LHFPL1: variants seen among roughly 807,000 people sequenced by gnomAD.
The protein encoded by LHFPL1 is LHFPL tetraspan subfamily member 1, also known as LHFPL tetraspan subfamily member 1 protein.
In LHFPL1, 4 loss-of-function variants were observed where a neutral mutation model predicts 12.1. The ratio of observed to expected loss-of-function variants is 0.33; its 90% CI spans 0.16 to 0.76. LHFPL1 has a LOEUF of 0.76. LHFPL1 is among the 30% of genes least tolerant of loss of function. The pLI is 0.61. For synonymous variants in LHFPL1, 52 were observed against 61.9 expected (o/e 0.84, Z 0.75); for missense variants, 141 against 174.1 (o/e 0.81, Z 1.07).
chrX:112,635,951 T>C (rs1460377706), intron 3 of LHFPL1, among the ~76,000 whole-genome samples: 1 of 111,300 alleles, frequency 9.0e-6, no homozygotes, highest in Non-Finnish European at 1.9e-5. Flanking sequence ...TGTGAAACAA[T>C]GGAAAGTTTC....
chrX:112,647,026 G>T (rs1292665052), intron 3 of LHFPL1, among the ~76,000 whole-genome samples: 1 of 111,657 alleles, frequency 9.0e-6, no homozygotes, highest in Non-Finnish European at 1.9e-5. Flanking sequence ...TCATAAAAAT[G>T]GCATATTACT....
At chrX:112,661,771 A>G (rs1457522669) in intron 2 of LHFPL1, 1 of 112,453 alleles carries the variant, frequency 8.9e-6, no homozygotes, top group African/African-American at 3.2e-5. Context: ...AGTCTGTTTA[A>G]AAATGGAGGG....
chrX:112,646,422 C>T (rs895179093), intron 3 of LHFPL1, among the ~76,000 whole-genome samples: 2 of 108,937 alleles, frequency 1.8e-5, no homozygotes, highest in Non-Finnish European at 3.8e-5. Flanking sequence ...GCTGTATCTT[C>T]CCCAAACCCC....
chrX:112,674,964 A>C (rs1374737667), intron 1 of LHFPL1, among the ~76,000 whole-genome samples: 2 of 111,784 alleles, frequency 1.8e-5, no homozygotes, highest in Non-Finnish European at 3.8e-5. Flanking sequence ...AGAAGTCATT[A>C]TTGCAGCGAC....
chrX:112,635,439 G>C (rs185346590), intron 3 of LHFPL1, among the ~76,000 whole-genome samples: 1 of 112,191 alleles, frequency 8.9e-6, no homozygotes, highest in African/African-American at 3.2e-5. Flanking sequence ...ACCATGCTAG[G>C]AGAATGAAAC....
chrX:112,656,864 A>G (rs1471840187), intron 3 of LHFPL1, among the ~76,000 whole-genome samples: 1 of 112,490 alleles, frequency 8.9e-6, no homozygotes, highest in African/African-American at 3.2e-5. Context: ...ATAATGTTAC[A>G]GTTCAGCAAA....
intron 3 of LHFPL1, among the ~76,000 whole-genome samples, chrX:112,644,054 C>T (rs778600109): frequency 2.7e-5 from 3 of 112,196 alleles, no homozygotes; most frequent in South Asian, 3.8e-4. Context: ...GCTGGATACT[C>T]CTCTCTGTGT....
chrX:112,677,441 C>T (rs1931682535), intron 1 of LHFPL1, among the ~76,000 whole-genome samples: 1 of 111,005 alleles, frequency 9.0e-6, no homozygotes, highest in Non-Finnish European at 1.9e-5. Flanking sequence ...CTCACGCCCC[C>T]AGACAGTGTG....
At chrX:112,669,958 T>C (rs1163865567) in intron 2 of LHFPL1, among the ~76,000 whole-genome samples, 1 of 111,730 alleles carries the variant, frequency 9.0e-6, no homozygotes, top group Non-Finnish European at 1.9e-5. Flanking sequence ...AGATCTGGGC[T>C]ATATCACCAG....
chrX:112,637,529 G>A (rs1325120351), intron 3 of LHFPL1, among the ~76,000 whole-genome samples: 1 of 111,968 alleles, frequency 8.9e-6, no homozygotes, highest in African/African-American at 3.3e-5. Flanking sequence ...CCCCATTCAG[G>A]GAGCATGTGC....
At chrX:112,643,236 G>T (rs912576849) in intron 3 of LHFPL1, among the ~76,000 whole-genome samples, 1 of 108,289 alleles carries the variant, frequency 9.2e-6, no homozygotes, top group Non-Finnish European at 1.9e-5. Flanking sequence ...AAAATTAGCC[G>T]GGCGTGGTGG....
intron 3 of LHFPL1, among the ~76,000 whole-genome samples, chrX:112,638,704 AT>A (rs775411480): frequency 1.8e-5 from 2 of 111,617 alleles, no homozygotes; most frequent in African/African-American, 6.5e-5. Flanking sequence ...TGAGGGTATT[AT>A]TTTTTTCTGA....
chrX:112,659,447 G>T (rs1931109933), intron 3 of LHFPL1, among the ~76,000 whole-genome samples: 1 of 109,857 alleles, frequency 9.1e-6, no homozygotes, highest in African/African-American at 3.3e-5. Flanking sequence ...GTGACAGAGG[G>T]CGGCTCCATC....
At chrX:112,673,492 C>T (rs1231036243) in intron 1 of LHFPL1, among the ~76,000 whole-genome samples, 1 of 111,753 alleles carries the variant, frequency 8.9e-6, no homozygotes, top group Non-Finnish European at 1.9e-5. Context: ...AAAGTGCAAG[C>T]AGCCCTCCAT....
At chrX:112,662,916 C>T (rs1010872487) in intron 2 of LHFPL1, among the ~76,000 whole-genome samples, 1 of 112,058 alleles carries the variant, frequency 8.9e-6, no homozygotes, top group African/African-American at 3.2e-5. Flanking sequence ...ACTGAGTTTT[C>T]CCACACAGAC....
chrX:112,660,781 A>G, intron 2 of LHFPL1, 56 bp from the exon 3 acceptor site: 1 of 854,079 alleles, frequency 1.2e-6, no homozygotes, highest in Non-Finnish European at 1.7e-6. Flanking sequence ...TGTCACCCCA[A>G]CATTCCCTTT....
At chrX:112,644,438 A>G (rs1183509279) in intron 3 of LHFPL1, among the ~76,000 whole-genome samples, 1 of 107,916 alleles carries the variant, frequency 9.3e-6, no homozygotes, top group Non-Finnish European at 1.9e-5. Flanking sequence ...GCAAATTAGC[A>G]TATATTTCTC....
chrX:112,640,839 G>A (rs1441230918), intron 3 of LHFPL1, among the ~76,000 whole-genome samples: 1 of 110,354 alleles, frequency 9.1e-6, no homozygotes, highest in Admixed American at 9.7e-5. Flanking sequence ...GTGTGTGTGT[G>A]TATGGATCAT....
At chrX:112,631,751 G>A (rs1228143623) in intron 3 of LHFPL1, 150 bp from the exon 4 acceptor site, 1 of 370,351 alleles carries the variant, frequency 2.7e-6, no homozygotes, top group Non-Finnish European at 4.6e-6. Context: ...AACAGCGAAT[G>A]TCCCTGGGCT....
Sources: gnomAD v4.1 joint callset for allele counts (sites outside exome capture counted in the v4.1 genomes callset) on GRCh38, gnomAD v4.1.1 for gene constraint, MANE v1.5 for transcripts, NCBI Gene and HGNC (gene_info 2026-07-23, HGNC 2026-07-21) for gene names.